The following FHIT variants were observed in gnomAD, a reference collection of about 807,000 sequenced individuals.
FHIT encodes fragile histidine triad diadenosine triphosphatase.
A neutral mutation model predicts 17.9 loss-of-function variants in FHIT; 19 were observed. The observed-to-expected ratio is 1.06, with a 90% CI of 0.74 to 1.56. The LOEUF (loss-of-function observed/expected upper bound fraction) is 1.56, where lower values mean the gene tolerates loss of function less well. Among genes scored for constraint, FHIT ranks in the 40% most tolerant of loss-of-function variants. The probability of loss-of-function intolerance (pLI) is 0.00; values close to 1 mark genes in which losing one functional copy is unlikely to be tolerated. For synonymous variants in FHIT, 81 were observed against 69.7 expected (o/e 1.16, Z -0.81); for missense variants, 248 against 189.2 (o/e 1.31, Z -1.82).
intron 2 of FHIT, among the ~76,000 whole-genome samples, chr3:61,160,436 G>A (rs114396450): frequency 6.0e-4 from 91 of 152,334 alleles, no homozygotes; most frequent in Middle Eastern, 3.4e-3. Context: ...TAAGCGACAA[G>A]GAAATTAGAA....
chr3:60,850,426 C>A (rs1283549501), intron 3 of FHIT, among the ~76,000 whole-genome samples: 1 of 151,210 alleles, frequency 6.6e-6, no homozygotes, highest in Non-Finnish European at 1.5e-5. Flanking sequence ...TTCAGAGAGG[C>A]CTTCCCTGAC....
intron 5 of FHIT, among the ~76,000 whole-genome samples, chr3:60,236,283 A>T (rs1341915101): frequency 1.3e-5 from 2 of 149,474 alleles, no homozygotes; most frequent in African/African-American, 5.0e-5. Context: ...ATACTAGATG[A>T]GGCCCTTGAG....
At chr3:60,922,579 T>A (rs1707340953) in intron 3 of FHIT, among the ~76,000 whole-genome samples, 1 of 152,238 alleles carries the variant, frequency 6.6e-6, no homozygotes, top group South Asian at 2.1e-4. Context: ...GATTTCTTTA[T>A]TTTTTATTTC....
intron 2 of FHIT, among the ~76,000 whole-genome samples, chr3:61,109,910 C>T (rs1242765225): frequency 6.6e-6 from 1 of 152,118 alleles, no homozygotes; most frequent in East Asian, 1.9e-4. Context: ...TTCTTGCCAT[C>T]CAACCATACC....
chr3:60,475,945 A>G (rs954947478), intron 5 of FHIT, among the ~76,000 whole-genome samples: 3 of 152,226 alleles, frequency 2.0e-5, no homozygotes, highest in African/African-American at 2.4e-5. Flanking sequence ...GCCACAAAGT[A>G]TTGTGTATTA....
chr3:61,242,708 G>T (rs529079879), intron 1 of FHIT, among the ~76,000 whole-genome samples: 1 of 152,274 alleles, frequency 6.6e-6, no homozygotes, highest in South Asian at 2.1e-4. Flanking sequence ...ATAATTTGGT[G>T]GGTAGCGGGC....
intron 4 of FHIT, among the ~76,000 whole-genome samples, chr3:60,581,753 A>G (rs559130479): frequency 6.6e-6 from 1 of 152,234 alleles, no homozygotes; most frequent in Admixed American, 6.5e-5. Context: ...TGATGAGGTT[A>G]TCAAAGTCCA....
chr3:61,221,481 A>ATC (rs2039836770), intron 1 of FHIT, among the ~76,000 whole-genome samples: 8 of 152,376 alleles, frequency 5.3e-5, no homozygotes, highest in East Asian at 1.9e-4. Flanking sequence ...TTCCATCATT[A>ATC]CATAGACCTC....
chr3:59,843,461 G>A lies in FHIT; in HGVS notation c.348+78885C>T, dbSNP rs140729276. Among the ~76,000 whole-genome samples the A allele has an allele frequency of 2.1e-4, 32 of 152,220 alleles. No individual in the cohort carries two copies. The East Asian group carries it at 3.3e-3, about 16-fold the overall frequency. ...TTTGTATGTCAGCAAAAAAAGCATC[G>A]TTGGAATTGTCACAGGGATTGTGTT... On this transcript the variant is annotated intron_variant, in intron 8 of 9. Coordinates refer to ENST00000492590, the MANE Select transcript of FHIT (RefSeq NM_002012.4).
chr3:60,617,027 C>T (rs1553676177), intron 4 of FHIT: 1 of 195,550 alleles, frequency 5.1e-6, no homozygotes, highest in African/African-American at 2.3e-5. Context: ...CACTGAATAA[C>T]TTACTATGGA....
chr3:60,312,437 C>T (rs956986820), intron 5 of FHIT, among the ~76,000 whole-genome samples: 1 of 152,128 alleles, frequency 6.6e-6, no homozygotes, highest in African/African-American at 2.4e-5. Flanking sequence ...GCCACCTCAC[C>T]CAGCCACAAA....
At chr3:59,996,101 G>A (rs1699499762) in intron 7 of FHIT, among the ~76,000 whole-genome samples, 2 of 152,068 alleles carry the variant, frequency 1.3e-5, no homozygotes, top group African/African-American at 2.4e-5. Flanking sequence ...AACAAAACTG[G>A]TGAATAAAGA....
At chr3:60,361,925 CA>C (rs1458524593) in intron 5 of FHIT, among the ~76,000 whole-genome samples, 1 of 151,954 alleles carries the variant, frequency 6.6e-6, no homozygotes, top group African/African-American at 2.4e-5. Flanking sequence ...CTCTCATTTA[CA>C]AAAAAAGTTT....
At chr3:60,169,658 A>T (rs904329040) in intron 5 of FHIT, among the ~76,000 whole-genome samples, 4 of 152,208 alleles carry the variant, frequency 2.6e-5, no homozygotes, top group Admixed American at 2.6e-4. Context: ...ATCCTAAGTC[A>T]GTAAAAGGTC....
intron 5 of FHIT, among the ~76,000 whole-genome samples, chr3:60,276,961 C>T (rs1488464516): frequency 6.6e-6 from 1 of 152,116 alleles, no homozygotes; most frequent in African/African-American, 2.4e-5. Flanking sequence ...ACACCTCCCA[C>T]CAGGCCACTC....
At chr3:60,528,102 T>C (rs1324038825) in intron 5 of FHIT, among the ~76,000 whole-genome samples, 1 of 152,176 alleles carries the variant, frequency 6.6e-6, no homozygotes, top group Admixed American at 6.5e-5. Context: ...GCCTCCCTAG[T>C]AGTTAGGACT....
intron 7 of FHIT, among the ~76,000 whole-genome samples, chr3:59,955,968 G>A (rs184171401): frequency 6.6e-6 from 1 of 152,142 alleles, no homozygotes; most frequent in Non-Finnish European, 1.5e-5. Flanking sequence ...ATCCATCAGT[G>A]GCTTCCTCTT....
At chr3:60,371,720 T>G (rs1355833293) in intron 5 of FHIT, among the ~76,000 whole-genome samples, 2 of 152,126 alleles carry the variant, frequency 1.3e-5, no homozygotes, top group African/African-American at 4.8e-5. Context: ...CCCAGATAGC[T>G]GAGCATTCAT....
At chr3:61,215,945 T>G (rs1235615878) in intron 1 of FHIT, among the ~76,000 whole-genome samples, 3 of 151,634 alleles carry the variant, frequency 2.0e-5, no homozygotes, top group Non-Finnish European at 2.9e-5. Context: ...TAGCCATATG[T>G]AGAAAGCTGA....
Sources: allele counts gnomAD v4.1 joint callset (sites outside exome capture counted in the v4.1 genomes callset), GRCh38; gene constraint gnomAD v4.1.1; transcripts MANE v1.5; gene names NCBI Gene and HGNC (gene_info 2026-07-23, HGNC 2026-07-21).